MAML3: variants seen among roughly 807,000 people sequenced by gnomAD.
The protein encoded by MAML3 is mastermind-like protein 3.
Under a neutral mutation model 101.9 loss-of-function variants are expected in MAML3, and 27 were observed. That is an observed-to-expected ratio of 0.27 (90% CI 0.20 to 0.37). MAML3 has a LOEUF of 0.37. Ranked by LOEUF, MAML3 falls within the 10% of genes least tolerant of loss-of-function variation. The pLI is 1.00. For missense variants in MAML3, 1,316 were observed against 1,444.9 expected, an observed-to-expected ratio of 0.91 and a Z score of 1.45; for synonymous variants, 501 against 555.9, an observed-to-expected ratio of 0.90 and a Z score of 1.39.
At chr4:139,742,242 G>A (rs564739215) in intron 2 of MAML3, among the ~76,000 whole-genome samples, 7 of 151,494 alleles carry the variant, frequency 4.6e-5, no homozygotes, top group Admixed American at 2.0e-4. Context: ...TCCGCCTCCC[G>A]GGCTCAAGCA....
chr4:139,873,206 G>A (rs1732049012), intron 2 of MAML3, among the ~76,000 whole-genome samples: 1 of 152,164 alleles, frequency 6.6e-6, no homozygotes, highest in East Asian at 1.9e-4. Flanking sequence ...ATGTGGCACA[G>A]CTTTGATATC....
intron 1 of MAML3, among the ~76,000 whole-genome samples, chr4:140,029,308 C>T (rs368652499): frequency 3.3e-5 from 5 of 152,128 alleles, no homozygotes; most frequent in Admixed American, 6.5e-5. Flanking sequence ...ACTGCCACTG[C>T]GATTAGAACA....
intron 2 of MAML3, among the ~76,000 whole-genome samples, chr4:139,787,884 T>A (rs1034091090): frequency 6.6e-6 from 1 of 152,254 alleles, no homozygotes; most frequent in African/African-American, 2.4e-5. Context: ...CTCATAGCAA[T>A]CCTTAATTTT....
rs34182828 is a variant in MAML3, at chr4:139,768,222, T to TTGTGTGTGTG, written c.2080-37565_2080-37556dup. Among the ~76,000 whole-genome samples, 508 of 136,422 alleles carry TTGTGTGTGTG rather than the reference T, an allele frequency of 3.7e-3. 3 individuals carry two copies. Among genetic ancestry groups the TTGTGTGTGTG allele is most frequent in the African/African-American group, 8.6e-3 (314 of 36,338 alleles). 89.5% of individuals were successfully genotyped at this position (136,422 alleles called of 152,430 possible). ...GGTTGTCTCTTTACTCTGTTGATAG[T>TTGTGTGTGTG]TGTGTGTGTGTGTGTGTGTGTGTGT... On this transcript the variant is annotated intron_variant, in intron 2 of 4. Transcript: ENST00000509479.
intron 1 of MAML3, among the ~76,000 whole-genome samples, chr4:140,080,086 T>C (rs1727839323): frequency 2.0e-5 from 3 of 152,210 alleles, no homozygotes; most frequent in Non-Finnish European, 4.4e-5. Context: ...GCAGTTAATT[T>C]TGGGAAAAAG....
At chr4:140,135,339 G>T (rs1463715682) in intron 1 of MAML3, among the ~76,000 whole-genome samples, 1 of 152,198 alleles carries the variant, frequency 6.6e-6, no homozygotes, top group African/African-American at 2.4e-5. Context: ...TGTGCAAAGT[G>T]CTCTGAAAGC....
chr4:139,740,168 C>T (rs1407398498), intron 2 of MAML3: 1 of 152,314 alleles, frequency 6.6e-6, no homozygotes, highest in African/African-American at 2.4e-5. Flanking sequence ...CAAGCCTGCT[C>T]TCTGTGGCAC....
At chr4:140,134,746 A>G (rs1377955623) in intron 1 of MAML3, among the ~76,000 whole-genome samples, 1 of 152,198 alleles carries the variant, frequency 6.6e-6, no homozygotes, top group Non-Finnish European at 1.5e-5. Flanking sequence ...TGTTCTGCAA[A>G]AAAAGGTCCC....
At chr4:140,057,716 A>C (rs1013193047) in intron 1 of MAML3, among the ~76,000 whole-genome samples, 1 of 152,206 alleles carries the variant, frequency 6.6e-6, no homozygotes, top group African/African-American at 2.4e-5. Context: ...TATTAAACTC[A>C]TTAGGGCTTT....
At chr4:139,753,462 G>T (rs1444467448) in intron 2 of MAML3, among the ~76,000 whole-genome samples, 2 of 152,086 alleles carry the variant, frequency 1.3e-5, no homozygotes, top group Non-Finnish European at 2.9e-5. Flanking sequence ...TAATATGCAT[G>T]ATGGAGAAAA....
intron 1 of MAML3, among the ~76,000 whole-genome samples, chr4:140,126,859 T>C (rs142226641): frequency 6.6e-6 from 1 of 152,314 alleles, no homozygotes; most frequent in African/African-American, 2.4e-5. Context: ...CCCTGATTTC[T>C]CTCAGTCCCC....
chr4:140,105,024 A>G (rs1416477448), intron 1 of MAML3, among the ~76,000 whole-genome samples: 1 of 152,116 alleles, frequency 6.6e-6, no homozygotes, highest in South Asian at 2.1e-4. Flanking sequence ...TTATGTAAGC[A>G]GTAAAAGAAA....
At chr4:140,083,961 CACACACAGAGAGAGAGAGAGAGAG>C (rs1334274194) in intron 1 of MAML3, among the ~76,000 whole-genome samples, 2 of 36,106 alleles carry the variant, frequency 5.5e-5, no homozygotes, top group African/African-American at 1.5e-4. Flanking sequence ...CACACACACA[CACACACAGAGAGAGAGAGAGAGAG>C]AGAGAGAGAG....
At chr4:140,023,228 A>G (rs1726759558) in intron 1 of MAML3, among the ~76,000 whole-genome samples, 1 of 152,226 alleles carries the variant, frequency 6.6e-6, no homozygotes, top group South Asian at 2.1e-4. Context: ...TGTGTGATTT[A>G]GAGAAGTTGC....
intron 2 of MAML3, among the ~76,000 whole-genome samples, chr4:139,869,516 G>A (rs897545050): frequency 6.6e-6 from 1 of 152,206 alleles, no homozygotes; most frequent in Non-Finnish European, 1.5e-5. Context: ...AAATAAAAAT[G>A]TCTTGCCAAA....
chr4:140,149,735 C>T (rs1348001363), intron 1 of MAML3, among the ~76,000 whole-genome samples: 3 of 152,096 alleles, frequency 2.0e-5, no homozygotes, highest in African/African-American at 7.2e-5. Context: ...AATCTGAGAA[C>T]TACATTTAAT....
At chr4:140,077,036 G>A (rs573027447) in intron 1 of MAML3, among the ~76,000 whole-genome samples, 5 of 151,832 alleles carry the variant, frequency 3.3e-5, no homozygotes, top group South Asian at 2.1e-4. Flanking sequence ...GATTACAGGC[G>A]CCCGCCACCA....
intron 1 of MAML3, among the ~76,000 whole-genome samples, chr4:140,118,355 G>A (rs528491752): frequency 1.3e-5 from 2 of 151,978 alleles, no homozygotes; most frequent in East Asian, 3.9e-4. Flanking sequence ...TATCTCATTA[G>A]GTTGAAGATT....
At chr4:139,792,649 C>G (rs1189384013) in intron 2 of MAML3, among the ~76,000 whole-genome samples, 1 of 152,100 alleles carries the variant, frequency 6.6e-6, no homozygotes, top group Non-Finnish European at 1.5e-5. Context: ...CCTTCTTTTT[C>G]TCTTTGTTAC....
Sources: allele counts gnomAD v4.1 joint callset (sites outside exome capture counted in the v4.1 genomes callset), GRCh38; gene constraint gnomAD v4.1.1; transcripts MANE v1.5; gene names NCBI Gene and HGNC (gene_info 2026-07-23, HGNC 2026-07-21).